The following RAB2A variants were observed in gnomAD, a reference collection of about 807,000 sequenced individuals.
RAB2A encodes ras-related protein Rab-2A.
RAB2A carries 7 observed loss-of-function variants against 32.5 expected under a neutral mutation model. The ratio of observed to expected loss-of-function variants is 0.22; its 90% CI spans 0.12 to 0.40. RAB2A has a LOEUF of 0.40. Among genes scored for constraint, RAB2A ranks in the 10% least tolerant of loss-of-function variants. The pLI is 1.00. For missense variants in RAB2A, 108 were observed against 260.7 expected, an observed-to-expected ratio of 0.41 and a Z score of 4.03; for synonymous variants, 79 against 85.2, an observed-to-expected ratio of 0.93 and a Z score of 0.40.
chr8:60,583,649 G>T (rs1803798772), intron 3 of RAB2A, among the ~76,000 whole-genome samples: 1 of 152,158 alleles, frequency 6.6e-6, no homozygotes, highest in Admixed American at 6.5e-5. Context: ...ACTGTTGAAA[G>T]CTCACTGCAG....
intron 3 of RAB2A, among the ~76,000 whole-genome samples, chr8:60,572,618 A>G (rs901129395): frequency 6.6e-6 from 1 of 152,180 alleles, no homozygotes; most frequent in African/African-American, 2.4e-5. Flanking sequence ...GAACCACAAT[A>G]TACAGAAAAT....
chr8:60,604,200 C>G (rs765509164), intron 6 of RAB2A, among the ~76,000 whole-genome samples: 1 of 152,148 alleles, frequency 6.6e-6, no homozygotes, highest in Non-Finnish European at 1.5e-5. Flanking sequence ...TTGCCTTGTG[C>G]CATGATTGTA....
At chr8:60,518,362 AAAG>A (rs1807244585) in intron 1 of RAB2A, among the ~76,000 whole-genome samples, 1 of 152,138 alleles carries the variant, frequency 6.6e-6, no homozygotes, top group African/African-American at 2.4e-5. Flanking sequence ...ATAAGTAACT[AAAG>A]AAGCATGTTG....
chr8:60,536,912 T>A (rs1296133302), intron 1 of RAB2A, among the ~76,000 whole-genome samples: 1 of 152,234 alleles, frequency 6.6e-6, no homozygotes, highest in Admixed American at 6.5e-5. Flanking sequence ...TATGTTAAAG[T>A]GCCAACAAAT....
At chr8:60,526,320 C>T (rs1807388217) in intron 1 of RAB2A, among the ~76,000 whole-genome samples, 1 of 152,102 alleles carries the variant, frequency 6.6e-6, no homozygotes, top group East Asian at 1.9e-4. Flanking sequence ...TTCTAGAGTC[C>T]ACCCACCTAC....
intron 6 of RAB2A, 70 bp from the exon 7 acceptor site, chr8:60,618,510 A>G (rs1804484335): frequency 7.9e-6 from 6 of 759,722 alleles, no homozygotes; most frequent in South Asian, 5.0e-5. Context: ...ATGATATTCT[A>G]TAGAGCATAT....
At chr8:60,523,311 C>T (rs1807329629) in intron 1 of RAB2A, among the ~76,000 whole-genome samples, 1 of 152,030 alleles carries the variant, frequency 6.6e-6, no homozygotes, top group African/African-American at 2.4e-5. Context: ...GCGCCCGCCA[C>T]CACGCCCGGC....
intron 1 of RAB2A, among the ~76,000 whole-genome samples, chr8:60,517,598 C>G (rs1257360463): frequency 6.6e-6 from 1 of 152,038 alleles, no homozygotes; most frequent in East Asian, 1.9e-4. Context: ...GGGCCCCTTG[C>G]GTTAGGTCTC....
At chr8:60,543,415 A>C (rs866397390) in intron 1 of RAB2A, among the ~76,000 whole-genome samples, 6 of 151,582 alleles carry the variant, frequency 4.0e-5, no homozygotes, top group Non-Finnish European at 8.8e-5. Flanking sequence ...GTCTTCATTC[A>C]CTTAACTGTA....
chr8:60,604,005 G>T (rs575743654), intron 6 of RAB2A, among the ~76,000 whole-genome samples: 3 of 152,296 alleles, frequency 2.0e-5, no homozygotes, highest in African/African-American at 7.2e-5. Context: ...CCCATTGTTG[G>T]AGGTGGGGCC....
chr8:60,604,293 A>G (rs112055543), intron 6 of RAB2A, among the ~76,000 whole-genome samples: 12,453 of 152,158 alleles, frequency 0.082, 1,552 homozygotes, highest in African/African-American at 0.27. Context: ...ATACAATTAA[A>G]CTTCTTTTCT....
chr8:60,549,694 T>G (rs1173284586), intron 1 of RAB2A, among the ~76,000 whole-genome samples: 1 of 152,096 alleles, frequency 6.6e-6, no homozygotes, highest in East Asian at 1.9e-4. Context: ...CATTTCAAAT[T>G]GGGTTTTTAT....
intron 7 of RAB2A, chr8:60,619,146 T>G (rs561383866): frequency 6.6e-5 from 10 of 152,122 alleles, no homozygotes; most frequent in African/African-American, 2.4e-4. Flanking sequence ...TTCATATATA[T>G]ATATATAAAA....
Position 60,605,832 on chromosome 8 carries a change from C to CATATATATATATATATATATATATATAT in RAB2A, c.475-12741_475-12740insTATATATATATATATATATATATATATA, listed in dbSNP as rs1328541490. Reference sequence around the variant, plus strand: ...GGCTCATAGGCAAAAGGGACTAATACATATATACATATATATATATAATGC... The same window carrying CATATATATATATATATATATATATATAT: ...GGCTCATAGGCAAAAGGGACTAATACATATATATATATATATATATATATATATATATATACATATATATATATAATGC... On this transcript the variant is annotated intron_variant, in intron 6 of 7. Coordinates refer to ENST00000262646, the MANE Select transcript of RAB2A (RefSeq NM_002865.3). 1.8e-3 allele frequency among the ~76,000 whole-genome samples: 223 copies of CATATATATATATATATATATATATATAT among 120,704 alleles called. 24 individuals carry two copies. The highest frequency in any genetic ancestry group is 8.3e-3 in the Middle Eastern group (2 of 242). The allele number at this position is 120,704 out of a possible 152,430, so 79.2% of individuals were successfully genotyped here.
At chr8:60,528,683 T>C (rs577034412) in intron 1 of RAB2A, among the ~76,000 whole-genome samples, 1 of 152,208 alleles carries the variant, frequency 6.6e-6, no homozygotes, top group Admixed American at 6.5e-5. Context: ...ATTTCAGATA[T>C]CTATATTTTT....
At chr8:60,616,193 A>G (rs1804445352) in intron 6 of RAB2A, among the ~76,000 whole-genome samples, 1 of 152,220 alleles carries the variant, frequency 6.6e-6, no homozygotes, top group Non-Finnish European at 1.5e-5. Flanking sequence ...TTAGGTAATA[A>G]AATTAGTAGT....
chr8:60,604,143 C>G (rs914795770), intron 6 of RAB2A, among the ~76,000 whole-genome samples: 3 of 152,174 alleles, frequency 2.0e-5, no homozygotes, highest in African/African-American at 4.8e-5. Flanking sequence ...CCTCCCACCT[C>G]TTTCTCTTTC....
At chr8:60,570,229 A>G (rs937909980) in intron 2 of RAB2A, among the ~76,000 whole-genome samples, 1 of 152,192 alleles carries the variant, frequency 6.6e-6, no homozygotes, top group Admixed American at 6.5e-5. Context: ...GTTATGAGCA[A>G]TATAGATAGT....
intron 6 of RAB2A, among the ~76,000 whole-genome samples, chr8:60,605,935 G>A (rs1469625748): frequency 6.6e-6 from 1 of 151,502 alleles, no homozygotes; most frequent in Non-Finnish European, 1.5e-5. Context: ...GATCACCTGA[G>A]GTCAGGAGTT....
Sources: gnomAD v4.1 joint callset for allele counts (sites outside exome capture counted in the v4.1 genomes callset) on GRCh38, gnomAD v4.1.1 for gene constraint, MANE v1.5 for transcripts, NCBI Gene and HGNC (gene_info 2026-07-23, HGNC 2026-07-21) for gene names.